Variants in IQSEC1 observed in about 807,000 individuals in gnomAD.
The protein encoded by IQSEC1 is IQ motif and Sec7 domain ArfGEF 1, also known as IQ motif and SEC7 domain-containing protein 1.
Under a neutral mutation model 91.0 loss-of-function variants are expected in IQSEC1, and 31 were observed. The ratio of observed to expected loss-of-function variants is 0.34; its 90% CI spans 0.26 to 0.46. The LOEUF (loss-of-function observed/expected upper bound fraction) is 0.46. IQSEC1 is among the 20% of genes least tolerant of loss of function. The probability of loss-of-function intolerance (pLI) is 1.00; values close to 1 mark genes in which losing one functional copy is unlikely to be tolerated. For synonymous variants in IQSEC1, 699 were observed against 662.6 expected, an observed-to-expected ratio of 1.05 and a Z score of -0.84; for missense variants, 1,388 against 1,575.6, an observed-to-expected ratio of 0.88 and a Z score of 2.02.
intron 1 of IQSEC1, among the ~76,000 whole-genome samples, chr3:12,962,075 G>A (rs1250704891): frequency 6.6e-6 from 1 of 152,232 alleles, no homozygotes; most frequent in Non-Finnish European, 1.5e-5. Context: ...GGGAGGGATG[G>A]GATGAGATGG....
At chr3:13,139,938 T>C (rs1040911592) in intron 2 of IQSEC1, among the ~76,000 whole-genome samples, 3 of 152,170 alleles carry the variant, frequency 2.0e-5, no homozygotes, top group Non-Finnish European at 4.4e-5. Flanking sequence ...ACAGGCCACT[T>C]TGCACTTGCA....
chr3:13,135,930 G>A (rs895509737), intron 2 of IQSEC1, among the ~76,000 whole-genome samples: 2 of 152,226 alleles, frequency 1.3e-5, no homozygotes, highest in African/African-American at 4.8e-5. Context: ...GAGAGGAGAA[G>A]CGCAGGCCCT....
At chr3:13,043,475 G>A (rs546000748) in intron 1 of IQSEC1, among the ~76,000 whole-genome samples, 2 of 152,234 alleles carry the variant, frequency 1.3e-5, no homozygotes, top group African/African-American at 4.8e-5. Context: ...GTCTGCTCTC[G>A]GGTGCACTTC....
chr3:12,900,657 C>T lies in IQSEC1; in HGVS notation c.*326G>A. 17 of 1,254,352 alleles carry T rather than the reference C, an allele frequency of 1.4e-5. No homozygotes were observed. The highest frequency in any genetic ancestry group is 1.6e-5 in the Non-Finnish European group (16 of 993,740). The allele number at this position is 1,254,352 out of a possible 1,614,324, so 77.7% of individuals were successfully genotyped here. On this transcript the variant is annotated 3_prime_UTR_variant, in exon 14 of 14. Coordinates refer to ENST00000613206, the MANE Select transcript of IQSEC1 (RefSeq NM_001134382.3). ...GTTTTCATATGCATGTACATTAGGG[C>T]ACAGGGAGCTGAGAGCTGGAGTGGG...
At chr3:13,022,591 AGGGAGGCGGGCG>A (rs892136008) in intron 1 of IQSEC1, 2 of 334,052 alleles carry the variant, frequency 6.0e-6, no homozygotes, top group African/African-American at 4.5e-5. Flanking sequence ...GCTCAGAGAG[AGGGAGGCGGGCG>A]GGGAGGCGAG....
At chr3:12,916,074 G>A (rs541561678) in intron 6 of IQSEC1, among the ~76,000 whole-genome samples, 34 of 152,346 alleles carry the variant, frequency 2.2e-4, no homozygotes, top group East Asian at 9.6e-4. Flanking sequence ...CAGATGGGAA[G>A]ACTGAGGCTG....
At chr3:12,916,840 A>G (rs986397890) in intron 6 of IQSEC1, among the ~76,000 whole-genome samples, 1 of 152,262 alleles carries the variant, frequency 6.6e-6, no homozygotes, top group African/African-American at 2.4e-5. Context: ...GAAGAAGGCC[A>G]CAGTAAAGCA....
intron 1 of IQSEC1, chr3:13,047,523 C>T (rs1704544972): frequency 1.0e-6 from 1 of 985,228 alleles, no homozygotes; most frequent in Non-Finnish European, 1.2e-6. Flanking sequence ...CAGGGAGCTC[C>T]TGAGGTGGCA....
intron 1 of IQSEC1, among the ~76,000 whole-genome samples, chr3:12,965,211 C>T (rs189615156): frequency 1.3e-5 from 2 of 152,360 alleles, no homozygotes; most frequent in Admixed American, 6.5e-5. Context: ...GTGCCACACA[C>T]GCTCTTGGAA....
At position 13,108,106 on chromosome 3, in the gene IQSEC1, C is replaced by T. The variant is rs369058028; in HGVS notation, c.302+55998G>A. On this transcript the variant is annotated intron_variant, in intron 2 of 15. Transcript: ENST00000648114. ...ACCAGTCTACCTTTCTGCGAATTTC[C>T]CCAGGGGATTGTTTTTCCGTAATTG... Among the ~76,000 whole-genome samples the T allele has an allele frequency of 3.5e-4, 53 of 152,372 alleles. No individual in the cohort carries two copies. In the East Asian group the frequency reaches 5.8e-3, roughly 17 times the overall value.
At chr3:13,268,483 A>G (rs1208974942) in intron 1 of IQSEC1, among the ~76,000 whole-genome samples, 2 of 152,214 alleles carry the variant, frequency 1.3e-5, no homozygotes, top group African/African-American at 2.4e-5. Context: ...GGTCCAGGCC[A>G]CTGCCACTAG....
intron 2 of IQSEC1, among the ~76,000 whole-genome samples, chr3:13,082,780 TC>T (rs1033534083): frequency 2.0e-5 from 3 of 151,976 alleles, no homozygotes; most frequent in African/African-American, 7.3e-5. Flanking sequence ...TGCGGACGCC[TC>T]CCCCTGCCCC....
At position 12,936,236 on chromosome 3, in the gene IQSEC1, C is replaced by T. The variant is rs757948728; in HGVS notation, c.780G>A (p.Ala260=). Residue 260 remains alanine, a synonymous_variant, in exon 3 of 14, where the codon GCG becomes GCA. Transcript: ENST00000613206. ...HTEEAPALDA[A]RARDTEPQTA... is the part of the protein sequence containing the mutation. ...TCTGGGGTTCGGTGTCCCGGGCCCG[C>T]GCCGCATCCAGGGCCGGTGCCTCCT... is the stretch of plus-strand genomic sequence containing the variant. 4.4e-5 allele frequency: 71 copies of T among 1,612,998 alleles called. No homozygotes were observed. Among genetic ancestry groups the T allele is most frequent in the South Asian group, 3.1e-4 (28 of 91,078 alleles).
chr3:12,997,367 T>A (rs1194822367), intron 1 of IQSEC1, among the ~76,000 whole-genome samples: 1 of 152,276 alleles, frequency 6.6e-6, no homozygotes, highest in Non-Finnish European at 1.5e-5. Context: ...GAGGCGCTTT[T>A]ACTTTTCATT....
chr3:12,949,763 T>TG (rs1237404208), intron 1 of IQSEC1, among the ~76,000 whole-genome samples: 3 of 146,836 alleles, frequency 2.0e-5, no homozygotes, highest in Non-Finnish European at 3.0e-5. Flanking sequence ...AGGCAGGGTC[T>TG]GGGGGGCGGG....
chr3:13,102,331 C>A (rs1559255462), intron 2 of IQSEC1, among the ~76,000 whole-genome samples: 1 of 152,110 alleles, frequency 6.6e-6, no homozygotes, highest in Non-Finnish European at 1.5e-5. Context: ...TGCGAACAAA[C>A]ACCCATCCTA....
chr3:13,233,822 C>A (rs538239238), intron 1 of IQSEC1, among the ~76,000 whole-genome samples: 10 of 152,338 alleles, frequency 6.6e-5, no homozygotes, highest in Admixed American at 2.6e-4. Context: ...CGGCTCCCTG[C>A]TCACATGTGG....
chr3:12,955,045 C>T (rs1042229470), intron 1 of IQSEC1, among the ~76,000 whole-genome samples: 53 of 152,342 alleles, frequency 3.5e-4, no homozygotes, highest in Admixed American at 2.3e-3. Flanking sequence ...ATAGCTGATG[C>T]GCAGCCCAGC....
intron 1 of IQSEC1, among the ~76,000 whole-genome samples, chr3:12,986,598 G>A (rs544999004): frequency 6.6e-6 from 1 of 152,342 alleles, no homozygotes; most frequent in East Asian, 1.9e-4. Context: ...GAACCCGAGA[G>A]TGGGAGGTCG....
Sources: gnomAD v4.1 joint callset for allele counts (sites outside exome capture counted in the v4.1 genomes callset) on GRCh38, gnomAD v4.1.1 for gene constraint, MANE v1.5 for transcripts, NCBI Gene and HGNC (gene_info 2026-07-23, HGNC 2026-07-21) for gene names.